The following UNC13C variants were observed in gnomAD, a reference collection of about 807,000 sequenced individuals.
The protein encoded by UNC13C is unc-13 homolog C, also known as protein unc-13 homolog C.
Under a neutral mutation model 245.4 loss-of-function variants are expected in UNC13C, and 174 were observed. That is an observed-to-expected ratio of 0.71 (90% CI 0.63 to 0.80). UNC13C has a LOEUF of 0.80. Among genes scored for constraint, UNC13C ranks in the 30% least tolerant of loss-of-function variants. The probability of loss-of-function intolerance (pLI) is 0.00; values close to 1 mark genes in which losing one functional copy is unlikely to be tolerated. For synonymous variants in UNC13C, 992 were observed against 895.1 expected (o/e 1.11, Z -1.93); for missense variants, 2,829 against 2,602.9 (o/e 1.09, Z -1.89).
intron 29 of UNC13C, among the ~76,000 whole-genome samples, chr15:54,556,058 G>A (rs963558971): frequency 1.3e-5 from 2 of 152,016 alleles, no homozygotes; most frequent in Non-Finnish European, 1.5e-5. Flanking sequence ...AAAAGTTATT[G>A]TAGTGTATGC....
At chr15:54,410,294 G>A (rs1392759150) in intron 18 of UNC13C, among the ~76,000 whole-genome samples, 1 of 152,144 alleles carries the variant, frequency 6.6e-6, no homozygotes, top group Non-Finnish European at 1.5e-5. Flanking sequence ...TGTATAGTTT[G>A]CAAGTATTTT....
At chr15:53,883,414 T>G in the UNC13C span, among the ~76,000 whole-genome samples, 1 of 152,204 alleles carries the variant, frequency 6.6e-6, no homozygotes, top group African/African-American at 2.4e-5. Flanking sequence ...TCTCATGTTT[T>G]GGGGCGGAGT....
chr15:54,479,505 AT>A (rs1362154688), intron 19 of UNC13C, among the ~76,000 whole-genome samples: 1 of 152,022 alleles, frequency 6.6e-6, no homozygotes, highest in African/African-American at 2.4e-5. Context: ...ATACAGTCAG[AT>A]TTTTTTAAAT....
intron 17 of UNC13C, among the ~76,000 whole-genome samples, chr15:54,384,133 T>A (rs1223731884): frequency 6.6e-6 from 1 of 152,110 alleles, no homozygotes; most frequent in Non-Finnish European, 1.5e-5. Flanking sequence ...ACCAATGCCA[T>A]TTTTTACAGA....
intron 4 of UNC13C, among the ~76,000 whole-genome samples, chr15:54,154,407 G>T (rs956458980): frequency 6.6e-6 from 1 of 151,944 alleles, no homozygotes; most frequent in Non-Finnish European, 1.5e-5. Flanking sequence ...CATATACCTG[G>T]GAAAATAATT....
At chr15:54,488,305 G>A (rs909189920) in intron 19 of UNC13C, among the ~76,000 whole-genome samples, 1 of 152,146 alleles carries the variant, frequency 6.6e-6, no homozygotes, top group African/African-American at 2.4e-5. Flanking sequence ...TATACATACT[G>A]AGTCCTAATA....
intron 17 of UNC13C, among the ~76,000 whole-genome samples, chr15:54,356,132 T>C (rs908712264): frequency 1.7e-4 from 26 of 152,200 alleles, no homozygotes; most frequent in Non-Finnish European, 7.3e-5. Flanking sequence ...CCTGCCCCTA[T>C]TGGTGGAAAT....
the UNC13C span, among the ~76,000 whole-genome samples, chr15:53,841,827 A>G: frequency 6.6e-6 from 1 of 152,180 alleles, no homozygotes; most frequent in African/African-American, 2.4e-5. Context: ...TCAGGACAAA[A>G]TTTGCCTCTT....
At chr15:54,478,956 G>T (rs927272595) in intron 19 of UNC13C, among the ~76,000 whole-genome samples, 4 of 151,670 alleles carry the variant, frequency 2.6e-5, no homozygotes, top group Admixed American at 6.6e-5. Flanking sequence ...AAGTCTCTTT[G>T]TAGGTCATTC....
chr15:53,974,119 G>A (rs1419774230), upstream of UNC13C, among the ~76,000 whole-genome samples: 3 of 152,236 alleles, frequency 2.0e-5, no homozygotes, highest in East Asian at 5.8e-4. Flanking sequence ...TGTTTTGCAA[G>A]TTTTTAAAGA....
chr15:54,594,448 G>A (rs1202138909), intron 30 of UNC13C, among the ~76,000 whole-genome samples: 2 of 150,830 alleles, frequency 1.3e-5, no homozygotes, highest in Non-Finnish European at 2.9e-5. Flanking sequence ...TCATCAGGTG[G>A]GGGCAGGGCT....
At chr15:54,021,193 A>C (rs969626451) in intron 2 of UNC13C, among the ~76,000 whole-genome samples, 7 of 152,152 alleles carry the variant, frequency 4.6e-5, no homozygotes, top group Non-Finnish European at 1.5e-5. Context: ...TAGTGAGAAC[A>C]TGACAAATCT....
intron 14 of UNC13C, among the ~76,000 whole-genome samples, chr15:54,322,537 C>G (rs1403223371): frequency 6.6e-6 from 1 of 151,936 alleles, no homozygotes; most frequent in Non-Finnish European, 1.5e-5. Flanking sequence ...AGTGGCACAT[C>G]CTCTAAGTAA....
chr15:53,839,485 G>T, the UNC13C span, among the ~76,000 whole-genome samples: 1 of 151,864 alleles, frequency 6.6e-6, no homozygotes, highest in Non-Finnish European at 1.5e-5. Context: ...AATGCTTTTG[G>T]TCTTAAAGAT....
At chr15:54,087,915 C>G (rs1007303204) in intron 2 of UNC13C, among the ~76,000 whole-genome samples, 1 of 152,124 alleles carries the variant, frequency 6.6e-6, no homozygotes, top group Non-Finnish European at 1.5e-5. Flanking sequence ...AGAAAAGGCA[C>G]TTTAAGGCAA....
chr15:54,097,941 C>A (rs553210955), intron 2 of UNC13C, among the ~76,000 whole-genome samples: 1 of 152,198 alleles, frequency 6.6e-6, no homozygotes, highest in Admixed American at 6.5e-5. Context: ...AGAGACATTT[C>A]ATGTATGCGA....
intron 10 of UNC13C, among the ~76,000 whole-genome samples, chr15:54,290,505 A>G (rs2037268698): frequency 6.6e-6 from 1 of 152,114 alleles, no homozygotes; most frequent in Non-Finnish European, 1.5e-5. Flanking sequence ...GGTCATTTAT[A>G]GTTGTCCTTC....
the UNC13C span, among the ~76,000 whole-genome samples, chr15:53,941,239 G>T: frequency 6.6e-6 from 1 of 152,266 alleles, no homozygotes; most frequent in Non-Finnish European, 1.5e-5. Flanking sequence ...GGGAGAACTG[G>T]CTAGCCATAT....
At chr15:54,611,364 A>G (rs540086637) in intron 30 of UNC13C, 80 of 152,220 alleles carry the variant, frequency 5.3e-4, no homozygotes, top group African/African-American at 1.9e-3. Flanking sequence ...AACAGGATGC[A>G]ATCTGAAAAA....
Sources: gnomAD v4.1 joint callset for allele counts (sites outside exome capture counted in the v4.1 genomes callset) on GRCh38, gnomAD v4.1.1 for gene constraint, MANE v1.5 for transcripts, NCBI Gene and HGNC (gene_info 2026-07-23, HGNC 2026-07-21) for gene names.